The following CROT variants were observed in gnomAD, a reference collection of about 807,000 sequenced individuals.
The protein encoded by CROT is peroxisomal carnitine O-octanoyltransferase.
A neutral mutation model predicts 89.2 loss-of-function variants in CROT; 84 were observed. The observed-to-expected ratio is 0.94, with a 90% CI of 0.79 to 1.13. CROT has a LOEUF of 1.13. CROT is among the 50% of genes most tolerant of loss of function. CROT has a pLI of 0.00. For missense variants in CROT, 711 were observed against 727.8 expected, an observed-to-expected ratio of 0.98 and a Z score of 0.27; for synonymous variants, 212 against 239.5, an observed-to-expected ratio of 0.89 and a Z score of 1.06.
intron 17 of CROT, among the ~76,000 whole-genome samples, chr7:87,396,930 G>T (rs891736301): frequency 6.6e-6 from 1 of 152,096 alleles, no homozygotes; most frequent in Non-Finnish European, 1.5e-5. Context: ...ATAATTTCCA[G>T]TCTTAGGATT....
At chr7:87,395,915 GA>G (rs1420724391) in intron 17 of CROT, among the ~76,000 whole-genome samples, 1 of 152,168 alleles carries the variant, frequency 6.6e-6, no homozygotes, top group Non-Finnish European at 1.5e-5. Context: ...CCCAATGGAA[GA>G]GAACATCATG....
At chr7:87,353,565 G>T (rs1805949301) in intron 3 of CROT, among the ~76,000 whole-genome samples, 1 of 152,160 alleles carries the variant, frequency 6.6e-6, no homozygotes, top group Non-Finnish European at 1.5e-5. Flanking sequence ...TTTCAAAAAA[G>T]AAGTTTAATT....
At chr7:87,394,807 A>C (rs1807473485) in intron 17 of CROT, among the ~76,000 whole-genome samples, 1 of 152,202 alleles carries the variant, frequency 6.6e-6, no homozygotes, top group Non-Finnish European at 1.5e-5. Flanking sequence ...GAAGCTGGAG[A>C]ATTTAATGCC....
intron 6 of CROT, among the ~76,000 whole-genome samples, chr7:87,365,989 T>C (rs1209301033): frequency 1.3e-5 from 2 of 152,138 alleles, no homozygotes; most frequent in Non-Finnish European, 2.9e-5. Context: ...GTTTACCACA[T>C]TTACACAAAA....
chr7:87,393,280 T>C (rs2072207), intron 17 of CROT, among the ~76,000 whole-genome samples: 108,053 of 152,010 alleles, frequency 0.71, 40,170 homozygotes, highest in Middle Eastern at 0.83. Flanking sequence ...TAGGTGTCTT[T>C]ATGCAGAACA....
At chr7:87,359,155 G>T (rs1324427264) in intron 3 of CROT, 51 bp from the exon 4 acceptor site, 3 of 1,184,720 alleles carry the variant, frequency 2.5e-6, no homozygotes, top group South Asian at 2.6e-5. Flanking sequence ...TAATAGAGGT[G>T]AGTTGGTGGT....
chr7:87,387,924 C>A (rs1442317287), intron 13 of CROT, among the ~76,000 whole-genome samples: 1 of 152,204 alleles, frequency 6.6e-6, no homozygotes, highest in Non-Finnish European at 1.5e-5. Context: ...TGCACTCCAG[C>A]CTGGGCGACA....
chr7:87,368,383 A>G (rs1438203046), intron 6 of CROT, among the ~76,000 whole-genome samples: 6 of 152,158 alleles, frequency 3.9e-5, no homozygotes, highest in African/African-American at 1.2e-4. Context: ...GATGACAGCA[A>G]TAAAAGAGTG....
At chr7:87,396,462 T>C (rs1328804797) in intron 17 of CROT, among the ~76,000 whole-genome samples, 4 of 152,162 alleles carry the variant, frequency 2.6e-5, no homozygotes, top group African/African-American at 9.7e-5. Context: ...ATGGCTTTTA[T>C]GACATGCACT....
At chr7:87,389,916 A>G (rs1807307725) in intron 13 of CROT, among the ~76,000 whole-genome samples, 1 of 152,174 alleles carries the variant, frequency 6.6e-6, no homozygotes, top group Non-Finnish European at 1.5e-5. Context: ...TTTTATATAG[A>G]AGATATGTTC....
At chr7:87,393,210 A>G (rs1807425660) in intron 17 of CROT, 143 bp downstream of exon 17, 2 of 869,906 alleles carry the variant, frequency 2.3e-6, no homozygotes, top group Non-Finnish European at 3.5e-6. Flanking sequence ...CCACTTAGGC[A>G]TTTAATGCAT....
At chr7:87,388,809 C>A (rs1316763538) in intron 13 of CROT, among the ~76,000 whole-genome samples, 1 of 152,094 alleles carries the variant, frequency 6.6e-6, no homozygotes, top group Non-Finnish European at 1.5e-5. Flanking sequence ...TTCTGCACAG[C>A]AAATGAAACT....
intron 17 of CROT, among the ~76,000 whole-genome samples, chr7:87,395,173 C>T (rs1807487685): frequency 6.6e-6 from 1 of 152,188 alleles, no homozygotes. Context: ...TTGAGTCCCA[C>T]AGCTGAAGAA....
In CROT at chr7:87,359,213, A is replaced by G; in HGVS notation, c.123A>G (p.Pro41=). 6.3e-7 allele frequency: 1 copy of G among 1,574,918 alleles called. No homozygotes were observed. Among genetic ancestry groups the G allele is most frequent in the Non-Finnish European group, 8.7e-7 (1 of 1,149,006 alleles). The change falls in exon 4 of 18, where the codon CCA becomes CCG. Residue 41 remains proline, a synonymous_variant. Coordinates refer to ENST00000331536, the MANE Select transcript of CROT (RefSeq NM_021151.4). ...SLKKYLESVK[P]FANQEEYKKT... ...CGTATTTTTCCTTTCTAGTGAAACCATTTGCAAATCAAGAAGAATATAAGA... is the reference window on the plus strand; with the variant it reads ...CGTATTTTTCCTTTCTAGTGAAACCGTTTGCAAATCAAGAAGAATATAAGA...
At chr7:87,389,720 A>G (rs1807300779) in intron 13 of CROT, among the ~76,000 whole-genome samples, 1 of 152,186 alleles carries the variant, frequency 6.6e-6, no homozygotes, top group Non-Finnish European at 1.5e-5. Context: ...ATGTATACCT[A>G]TGTAATAAAC....
chr7:87,353,459 T>C (rs1805944692), intron 3 of CROT, among the ~76,000 whole-genome samples: 1 of 152,308 alleles, frequency 6.6e-6, no homozygotes. Flanking sequence ...CTTTAACTGA[T>C]TCTTTTCTAG....
At position 87,398,681 on chromosome 7, in the gene CROT, C is replaced by T. The variant is rs767872459; in HGVS notation, c.*37C>T. The T allele has an allele frequency of 1.3e-5, 21 of 1,594,828 alleles. No individual in the cohort carries two copies. The highest frequency in any genetic ancestry group is 1.5e-5 in the Non-Finnish European group (18 of 1,169,492). On this transcript the variant is annotated 3_prime_UTR_variant, in exon 18 of 18. Coordinates refer to ENST00000331536, the MANE Select transcript of CROT (RefSeq NM_021151.4). ...CTATTAAGCACTTACCAAAACATAT[C>T]ATTAAACTGAGTGCTGGGAGTGAGT...
At chr7:87,391,881 G>A (rs1807371411) in intron 14 of CROT, among the ~76,000 whole-genome samples, 169 bp downstream of exon 14, 2 of 152,180 alleles carry the variant, frequency 1.3e-5, no homozygotes, top group South Asian at 4.1e-4. Context: ...AGTGAAATGT[G>A]TAATTGGAAA....
intron 17 of CROT, among the ~76,000 whole-genome samples, chr7:87,394,641 T>C (rs565400957): frequency 2.2e-4 from 33 of 152,180 alleles, no homozygotes; most frequent in African/African-American, 6.7e-4. Context: ...TGCCTTTTGA[T>C]CTCCAATTAA....
Sources: gnomAD v4.1 joint callset for allele counts (sites outside exome capture counted in the v4.1 genomes callset) on GRCh38, gnomAD v4.1.1 for gene constraint, MANE v1.5 for transcripts, NCBI Gene and HGNC (gene_info 2026-07-23, HGNC 2026-07-21) for gene names.